CACNG2: variants seen among roughly 807,000 people sequenced by gnomAD.
CACNG2 encodes voltage-dependent calcium channel gamma-2 subunit.
In CACNG2, 3 loss-of-function variants were observed where a neutral mutation model predicts 25.9. The observed-to-expected ratio is 0.12, with a 90% CI of 0.05 to 0.30. The LOEUF is 0.30. CACNG2 is among the 10% of genes least tolerant of loss of function. The pLI is 1.00. For missense variants in CACNG2, 341 were observed against 432.5 expected (o/e 0.79, Z 1.88); for synonymous variants, 167 against 173.3 (o/e 0.96, Z 0.29).
chr22:36,574,820 CAAAA>C (rs749688489), intron 2 of CACNG2, among the ~76,000 whole-genome samples: 158 of 150,728 alleles, frequency 1.0e-3, no homozygotes, highest in Middle Eastern at 0.01. Flanking sequence ...ACAAAACAAA[CAAAA>C]AAAGAGACTA....
chr22:36,600,932 G>A (rs1303540513), intron 1 of CACNG2, among the ~76,000 whole-genome samples: 1 of 152,054 alleles, frequency 6.6e-6, no homozygotes, highest in Non-Finnish European at 1.5e-5. Context: ...CAGCAAAATG[G>A]TTGCTATAGT....
intron 1 of CACNG2, among the ~76,000 whole-genome samples, chr22:36,641,083 C>T (rs1048909120): frequency 2.6e-5 from 4 of 152,204 alleles, no homozygotes; most frequent in African/African-American, 9.7e-5. Flanking sequence ...TGTTCAATGA[C>T]CGCCTCCTCT....
At chr22:36,568,554 G>A (rs144960046) in intron 2 of CACNG2, among the ~76,000 whole-genome samples, 5,376 of 151,864 alleles carry the variant, frequency 0.035, 334 homozygotes, top group African/African-American at 0.12. Flanking sequence ...ACAGGTGTGC[G>A]CCATCACACC....
At chr22:36,630,070 C>G (rs1030491677) in intron 1 of CACNG2, among the ~76,000 whole-genome samples, 1 of 152,000 alleles carries the variant, frequency 6.6e-6, no homozygotes, top group African/African-American at 2.4e-5. Context: ...AGCTTGGTGT[C>G]GACGAGGACC....
chr22:36,592,864 G>A (rs1935617739), intron 1 of CACNG2, among the ~76,000 whole-genome samples: 1 of 152,310 alleles, frequency 6.6e-6, no homozygotes, highest in South Asian at 2.1e-4. Flanking sequence ...GCCCCAGGAG[G>A]TCAGGGCCGG....
At chr22:36,609,017 T>G (rs1196533677) in intron 1 of CACNG2, among the ~76,000 whole-genome samples, 1 of 152,202 alleles carries the variant, frequency 6.6e-6, no homozygotes, top group African/African-American at 2.4e-5. Context: ...CTCTGGTTTT[T>G]CTCAGCACTG....
At chr22:36,685,725 G>A (rs1937187714) in intron 1 of CACNG2, among the ~76,000 whole-genome samples, 1 of 152,250 alleles carries the variant, frequency 6.6e-6, no homozygotes, top group African/African-American at 2.4e-5. Flanking sequence ...CGGGACCAAG[G>A]CGGGGAGAGC....
rs1202866836 is a variant in CACNG2 at position 36,562,905 on chromosome 22, G to A, written c.*1446C>T. On this transcript the variant is annotated 3_prime_UTR_variant, in exon 4 of 4. Coordinates refer to ENST00000300105, the MANE Select transcript of CACNG2 (RefSeq NM_006078.5). The stretch of plus-strand genomic sequence containing the variant: ...AAGCCCAGCTCTCACCTCTCACAAC[G>A]GTTTTGCTTTGTTTTTGTAAATGGA... 1 of 151,818 alleles carries A rather than the reference G, an allele frequency of 6.6e-6. No homozygotes were observed. The highest frequency in any genetic ancestry group is 1.5e-5 in the Non-Finnish European group (1 of 67,970). The allele number at this position is 151,818 out of a possible 1,614,324, so 9.4% of individuals were successfully genotyped here.
At chr22:36,685,310 G>C (rs1266087357) in intron 1 of CACNG2, among the ~76,000 whole-genome samples, 1 of 152,078 alleles carries the variant, frequency 6.6e-6, no homozygotes, top group East Asian at 1.9e-4. Flanking sequence ...CCCGCGCCCA[G>C]GCAGCTTCCA....
At chr22:36,674,261 C>T (rs2145995559) in intron 1 of CACNG2, among the ~76,000 whole-genome samples, 1 of 152,392 alleles carries the variant, frequency 6.6e-6, no homozygotes, top group Middle Eastern at 3.4e-3. Flanking sequence ...TCCCACCTCC[C>T]ACTTCCTCAG....
At chr22:36,572,668 C>T (rs553307143) in intron 2 of CACNG2, among the ~76,000 whole-genome samples, 1 of 151,528 alleles carries the variant, frequency 6.6e-6, no homozygotes, top group African/African-American at 2.4e-5. Flanking sequence ...AGCCACTGCA[C>T]TCTAGCCTGG....
chr22:36,701,973 C>A (rs1488997547), intron 1 of CACNG2, among the ~76,000 whole-genome samples: 1 of 151,904 alleles, frequency 6.6e-6, no homozygotes, highest in South Asian at 2.1e-4. Context: ...TTCTTCATTG[C>A]GAAAAGAGAA....
At chr22:36,618,362 TCTC>T (rs573696318) in intron 1 of CACNG2, among the ~76,000 whole-genome samples, 51 of 148,968 alleles carry the variant, frequency 3.4e-4, no homozygotes, top group African/African-American at 1.2e-3. Flanking sequence ...TGCTGCCAGG[TCTC>T]CTTGCTGCCC....
intron 1 of CACNG2, among the ~76,000 whole-genome samples, chr22:36,677,226 G>T (rs1937032435): frequency 6.6e-6 from 1 of 152,126 alleles, no homozygotes; most frequent in African/African-American, 2.4e-5. Context: ...GAATCTGCAA[G>T]ATCCTTCTGC....
intron 1 of CACNG2, among the ~76,000 whole-genome samples, chr22:36,684,615 C>CA (rs10647451): frequency 0.028 from 2,805 of 101,134 alleles, 57 homozygotes; most frequent in Admixed American, 0.034. Context: ...GACCTTGTCT[C>CA]AAAAAAAAAA....
At position 36,607,533 on chromosome 22, in the gene CACNG2, T is replaced by C. The variant is rs140173541; in HGVS notation, c.212-19985A>G. On this transcript the variant is annotated intron_variant, in intron 1 of 3. Coordinates refer to ENST00000300105, the MANE Select transcript of CACNG2 (RefSeq NM_006078.5). ...TGCTGGGATTACAGATGTGAGCCAC[T>C]GCACCTGGTCCCCTTGGTCCATTTT... Among the ~76,000 whole-genome samples the C allele has an allele frequency of 3.9e-5, 6 of 152,344 alleles. No homozygotes were observed. The East Asian group carries it at 1.2e-3, about 29-fold the overall frequency.
At chr22:36,626,389 CT>C (rs201346139) in intron 1 of CACNG2, among the ~76,000 whole-genome samples, 14 of 151,854 alleles carry the variant, frequency 9.2e-5, no homozygotes, top group South Asian at 2.1e-4. Flanking sequence ...TTGACTACTT[CT>C]TTTTTTTTCC....
chr22:36,607,384 T>C (rs187929016), intron 1 of CACNG2, among the ~76,000 whole-genome samples: 1 of 152,162 alleles, frequency 6.6e-6, no homozygotes, highest in East Asian at 1.9e-4. Context: ...GCCTCCTGAG[T>C]AGCTGGGACT....
At position 36,702,599 on chromosome 22, in the gene CACNG2, C is replaced by A; in HGVS notation, c.-23G>T. 6.3e-7 allele frequency: 1 copy of A among 1,592,346 alleles called. No individual in the cohort carries two copies. The highest frequency in any genetic ancestry group is 1.3e-5 in the African/African-American group (1 of 74,530). On this transcript the variant is annotated 5_prime_UTR_variant, in exon 1 of 4. Transcript: ENST00000300105. ...CATAATTCTTCATTATATAAACACC[C>A]AACCGACTTCTGGTTCTCGGGAGAG...
Sources: allele counts gnomAD v4.1 joint callset (sites outside exome capture counted in the v4.1 genomes callset), GRCh38; gene constraint gnomAD v4.1.1; transcripts MANE v1.5; gene names NCBI Gene and HGNC (gene_info 2026-07-23, HGNC 2026-07-21).